The following DEFB1 variants were observed in gnomAD, a reference collection of about 807,000 sequenced individuals.
DEFB1 encodes the protein defensin beta 1, also known as beta-defensin 1.
DEFB1 carries 4 observed loss-of-function variants against 2.6 expected under a neutral mutation model. The ratio of observed to expected loss-of-function variants is 1.53; its 90% confidence interval spans 0.76 to 3.51. The LOEUF (loss-of-function observed/expected upper bound fraction) is 3.51, where lower values mean the gene tolerates loss of function less well. Ranked by LOEUF, DEFB1 falls within the 30% of genes most tolerant of loss-of-function variation. The pLI, the probability that DEFB1 is intolerant of heterozygous loss-of-function variation, is 0.01. For synonymous variants in DEFB1, 56 were observed against 28.5 expected, an observed-to-expected ratio of 1.96 and a Z score of -3.07; for missense variants, 162 against 76.9, an observed-to-expected ratio of 2.11 and a Z score of -4.14.
At chr8:6,876,428 G>A (rs879752820) in intron 1 of DEFB1, among the ~76,000 whole-genome samples, 1 of 152,250 alleles carries the variant, frequency 6.6e-6, no homozygotes, top group Non-Finnish European at 1.5e-5. Flanking sequence ...AGTGAGCTGA[G>A]ATTGTGCCAT....
At chr8:6,874,444 T>G (rs1484504469) in intron 1 of DEFB1, among the ~76,000 whole-genome samples, 2 of 152,226 alleles carry the variant, frequency 1.3e-5, no homozygotes, top group East Asian at 1.9e-4. Flanking sequence ...AAATTTTATT[T>G]GGAAATTCAA....
rs202220918 is a variant in DEFB1 at position 6,877,891 on chromosome 8, A to G, written c.-34T>C. ...GCAGGCAACACCCAGGATTTCAGGA[A>G]CTGGGGAGACGCTGGCTCCTTTGGA... On this transcript the variant is annotated 5_prime_UTR_variant, in exon 1 of 2. Coordinates refer to ENST00000297439, the MANE Select transcript of DEFB1 (RefSeq NM_005218.4). The G allele has an allele frequency of 4.5e-5, 73 of 1,606,280 alleles. No individual in the cohort carries two copies. In the East Asian group the frequency reaches 1.5e-3, roughly 33 times the overall value.
intron 1 of DEFB1, among the ~76,000 whole-genome samples, chr8:6,874,690 G>C (rs1169013358): frequency 5.9e-5 from 9 of 152,182 alleles, no homozygotes; most frequent in Non-Finnish European, 1.0e-4. Context: ...CTTATCAACA[G>C]TTGGTTCTGG....
At chr8:6,871,710 GACAGACACAC>G (rs1481582089) in intron 1 of DEFB1, among the ~76,000 whole-genome samples, 1 of 152,178 alleles carries the variant, frequency 6.6e-6, no homozygotes, top group Non-Finnish European at 1.5e-5. Context: ...AAGAGATTGG[GACAGACACAC>G]ACAGAGGAAA....
intron 1 of DEFB1, among the ~76,000 whole-genome samples, chr8:6,874,761 A>G (rs1257190961): frequency 6.6e-6 from 1 of 152,090 alleles, no homozygotes; most frequent in African/African-American, 2.4e-5. Flanking sequence ...GCAGGCAGAT[A>G]ACTTGAGGTC....
chr8:6,877,574 G>A (rs55685359), intron 1 of DEFB1, among the ~76,000 whole-genome samples: 2 of 152,212 alleles, frequency 1.3e-5, no homozygotes, highest in South Asian at 2.1e-4. Flanking sequence ...TGTGACAAGC[G>A]CCATGACCCT....
chr8:6,870,791 C>G lies in DEFB1; in HGVS notation c.97G>C (p.Asp33His), dbSNP rs760642743. ...NFLTGLGHRS[D>H]HYNCVSSGGQ... ...CCACTGCTGACGCAATTGTAATGATCAGATCTGTGGCCAAGGCCTGTGAGA... is the reference window on the plus strand; with the variant it reads ...CCACTGCTGACGCAATTGTAATGATGAGATCTGTGGCCAAGGCCTGTGAGA... Residue 33 changes from aspartate (D) to histidine (H), a missense_variant, in exon 2 of 2, where the codon GAT (aspartate) becomes CAT (histidine). Coordinates refer to ENST00000297439, the MANE Select transcript of DEFB1 (RefSeq NM_005218.4). 4.3e-6 allele frequency: 7 copies of G among 1,614,184 alleles called. No homozygotes were observed. The highest frequency in any genetic ancestry group is 2.2e-5 in the South Asian group (2 of 91,070).
chr8:6,876,843 A>G (rs1806548805), intron 1 of DEFB1, among the ~76,000 whole-genome samples: 1 of 81,684 alleles, frequency 1.2e-5, no homozygotes. Flanking sequence ...AAAACCAAAA[A>G]CCAAAAAAAA....
At chr8:6,877,150 G>A (rs560860133) in intron 1 of DEFB1, among the ~76,000 whole-genome samples, 3 of 152,294 alleles carry the variant, frequency 2.0e-5, no homozygotes, top group African/African-American at 7.2e-5. Context: ...GATAAAACAT[G>A]TTCCCGATTC....
Position 6,870,883 on chromosome 8 carries a change from A to T in DEFB1, c.62-57T>A, listed in dbSNP as rs1563394402. On this transcript the variant is annotated intron_variant, in intron 1 of 1. Coordinates refer to ENST00000297439, the MANE Select transcript of DEFB1 (RefSeq NM_005218.4). ...CATGGCTTGTAGCTGCAACGATTTGAGAACATCTCGCGAAAGCAGAACAAA... is the reference window on the plus strand; with the variant it reads ...CATGGCTTGTAGCTGCAACGATTTGTGAACATCTCGCGAAAGCAGAACAAA... 3 of 1,549,542 alleles carry T rather than the reference A, an allele frequency of 1.9e-6. No homozygotes were observed. In the East Asian group the frequency reaches 6.8e-5, roughly 35 times the overall value.
In DEFB1 at chr8:6,873,126, C is replaced by T. The variant is rs368214338; in HGVS notation, c.62-2300G>A. On this transcript the variant is annotated intron_variant, in intron 1 of 1. Transcript: ENST00000297439. Reference sequence around the variant, plus strand: ...TTAATATGGATGTAGCTTTTTAGAGCCAGGATGGACTTCGGAACTCAATTA... The same window carrying T: ...TTAATATGGATGTAGCTTTTTAGAGTCAGGATGGACTTCGGAACTCAATTA... Among the ~76,000 whole-genome samples the T allele has an allele frequency of 2.6e-5, 4 of 152,264 alleles. No individual in the cohort carries two copies. In the East Asian group the frequency reaches 7.7e-4, roughly 29 times the overall value.
chr8:6,875,403 A>G (rs1806486252), intron 1 of DEFB1, among the ~76,000 whole-genome samples: 1 of 152,216 alleles, frequency 6.6e-6, no homozygotes, highest in African/African-American at 2.4e-5. Flanking sequence ...GAAAATACAT[A>G]AAGAACTACA....
intron 1 of DEFB1, among the ~76,000 whole-genome samples, chr8:6,872,817 C>A (rs190633892): frequency 4.7e-4 from 72 of 152,286 alleles, no homozygotes; most frequent in African/African-American, 1.6e-3. Flanking sequence ...CAAGTAAGAT[C>A]ATGACCAGCT....
intron 1 of DEFB1, among the ~76,000 whole-genome samples, chr8:6,875,293 G>C (rs1014128080): frequency 6.6e-6 from 1 of 152,072 alleles, no homozygotes; most frequent in African/African-American, 2.4e-5. Flanking sequence ...CATGATAAAA[G>C]CCTCTTTTCT....
chr8:6,877,654 A>T (rs1033851013), intron 1 of DEFB1, 143 bp downstream of exon 1: 1 of 706,526 alleles, frequency 1.4e-6, no homozygotes, highest in South Asian at 1.8e-5. Context: ...CCTTCTGCCA[A>T]CTGCAGGCCA....
intron 1 of DEFB1, among the ~76,000 whole-genome samples, chr8:6,874,088 G>A (rs1486934759): frequency 1.3e-5 from 2 of 151,674 alleles, no homozygotes; most frequent in East Asian, 3.9e-4. Flanking sequence ...GGACCAGGCA[G>A]CCCAAAAAGA....
rs759166464 is a variant in DEFB1, at chr8:6,877,783, G to C, written c.61+14C>G. ...CCCTGGGGATGGGAAACTCTTGCAGGTACCAGAGCTTACCTGAGGCCATCT... is the reference window on the plus strand; with the variant it reads ...CCCTGGGGATGGGAAACTCTTGCAGCTACCAGAGCTTACCTGAGGCCATCT... On this transcript the variant is annotated intron_variant, in intron 1 of 1. Coordinates refer to ENST00000297439, the MANE Select transcript of DEFB1 (RefSeq NM_005218.4). 6.2e-7 allele frequency: 1 copy of C among 1,611,748 alleles called. No individual in the cohort carries two copies. Among genetic ancestry groups the C allele is most frequent in the Non-Finnish European group, 8.5e-7 (1 of 1,178,024 alleles).
At chr8:6,875,894 A>C (rs556800751) in intron 1 of DEFB1, among the ~76,000 whole-genome samples, 1 of 152,194 alleles carries the variant, frequency 6.6e-6, no homozygotes, top group African/African-American at 2.4e-5. Flanking sequence ...TTACCACCAT[A>C]AAAGTCAAGT....
In DEFB1 at chr8:6,870,657, T is replaced by C. The variant is rs777740650; in HGVS notation, c.*24A>G. On this transcript the variant is annotated 3_prime_UTR_variant, in exon 2 of 2. Transcript: ENST00000297439. ...ATAAAAAGTTCATTTCACTTCTGCG[T>C]CATTTCTTCTGGTCACTCCCAGCTC... 1.9e-5 allele frequency: 31 copies of C among 1,600,840 alleles called. No individual in the cohort carries two copies. In the South Asian group the frequency reaches 3.5e-4, roughly 18 times the overall value.
Sources: allele counts gnomAD v4.1 joint callset (sites outside exome capture counted in the v4.1 genomes callset), GRCh38; gene constraint gnomAD v4.1.1; transcripts MANE v1.5; gene names NCBI Gene and HGNC (gene_info 2026-07-23, HGNC 2026-07-21).